BBS9: variants seen among roughly 807,000 people sequenced by gnomAD.
BBS9 encodes the protein protein PTHB1.
In BBS9, 89 loss-of-function variants were observed where a neutral mutation model predicts 117.7. That is an observed-to-expected ratio of 0.76 (90% CI 0.64 to 0.90). The LOEUF is 0.90. Among genes scored for constraint, BBS9 ranks in the 40% least tolerant of loss-of-function variants. The probability of loss-of-function intolerance (pLI) is 0.00; values close to 1 mark genes in which losing one functional copy is unlikely to be tolerated. For synonymous variants in BBS9, 379 were observed against 370.9 expected (o/e 1.02, Z -0.25); for missense variants, 982 against 1,042.2 (o/e 0.94, Z 0.80).
chr7:33,491,960 G>T (rs994984980), intron 19 of BBS9, among the ~76,000 whole-genome samples: 1 of 152,040 alleles, frequency 6.6e-6, no homozygotes, highest in South Asian at 2.1e-4. Context: ...AGCACTTTGG[G>T]AGGCTAAGGT....
intron 19 of BBS9, among the ~76,000 whole-genome samples, chr7:33,466,316 C>T (rs550949859): frequency 2.0e-4 from 30 of 152,210 alleles, no homozygotes; most frequent in Admixed American, 7.2e-4. Context: ...TCTCTCACTT[C>T]CCCCACCTTC....
intron 20 of BBS9, among the ~76,000 whole-genome samples, chr7:33,508,037 A>T (rs1268210815): frequency 6.6e-6 from 1 of 152,202 alleles, no homozygotes; most frequent in African/African-American, 2.4e-5. Context: ...TACAAATATG[A>T]CTGCATTAGA....
intron 19 of BBS9, among the ~76,000 whole-genome samples, chr7:33,414,694 A>G (rs1831690942): frequency 6.6e-6 from 1 of 152,186 alleles, no homozygotes; most frequent in Non-Finnish European, 1.5e-5. Context: ...CTAGTATTGA[A>G]TAATTTGATT....
chr7:33,619,980 T>G (rs546131883), intron 21 of BBS9, among the ~76,000 whole-genome samples: 22 of 152,010 alleles, frequency 1.4e-4, no homozygotes, highest in African/African-American at 5.1e-4. Flanking sequence ...AAAGTCAGCA[T>G]AGGAATGAAA....
At chr7:33,424,450 G>C (rs768844721) in intron 19 of BBS9, among the ~76,000 whole-genome samples, 1 of 152,134 alleles carries the variant, frequency 6.6e-6, no homozygotes, top group Non-Finnish European at 1.5e-5. Context: ...AATTTCAAAC[G>C]AGAAGAGATG....
chr7:33,435,785 G>A (rs916466800), intron 19 of BBS9, among the ~76,000 whole-genome samples: 2 of 151,956 alleles, frequency 1.3e-5, no homozygotes, highest in South Asian at 4.2e-4. Context: ...TTGGTTCCAG[G>A]AGGGTTTGTT....
At chr7:33,344,029 G>C (rs1179028266) in intron 11 of BBS9, among the ~76,000 whole-genome samples, 2 of 151,418 alleles carry the variant, frequency 1.3e-5, no homozygotes. Context: ...TCTGGGAATG[G>C]AGTGGTTTGA....
At chr7:33,250,661 A>C (rs1450133742) in intron 5 of BBS9, among the ~76,000 whole-genome samples, 1 of 152,254 alleles carries the variant, frequency 6.6e-6, no homozygotes. Flanking sequence ...ATTTCTAAAC[A>C]TCAGTAGCCA....
intron 19 of BBS9, among the ~76,000 whole-genome samples, chr7:33,446,638 G>A (rs1355258922): frequency 6.6e-6 from 1 of 152,144 alleles, no homozygotes; most frequent in African/African-American, 2.4e-5. Flanking sequence ...AAATGAGAAA[G>A]CAGCTTAATT....
intron 10 of BBS9, among the ~76,000 whole-genome samples, chr7:33,339,470 G>A (rs1816069332): frequency 6.6e-6 from 1 of 152,166 alleles, no homozygotes; most frequent in African/African-American, 2.4e-5. Flanking sequence ...ATTAAGTTAT[G>A]GAAATTCCCA....
intron 19 of BBS9, among the ~76,000 whole-genome samples, chr7:33,410,192 G>A (rs1427196793): frequency 6.6e-6 from 1 of 152,128 alleles, no homozygotes; most frequent in Non-Finnish European, 1.5e-5. Flanking sequence ...AGAAAAATGT[G>A]TGTTAAAGAA....
intron 5 of BBS9, among the ~76,000 whole-genome samples, chr7:33,183,085 C>T (rs376070359): frequency 1.3e-5 from 2 of 152,144 alleles, no homozygotes; most frequent in African/African-American, 2.4e-5. Flanking sequence ...CTAGTTATTA[C>T]GCATGAAATC....
chr7:33,150,683 C>T (rs947378657), intron 2 of BBS9, among the ~76,000 whole-genome samples: 3 of 152,150 alleles, frequency 2.0e-5, no homozygotes, highest in Non-Finnish European at 1.5e-5. Context: ...GCTCTCCACA[C>T]CACAACCCCC....
intron 19 of BBS9, among the ~76,000 whole-genome samples, chr7:33,417,803 G>C (rs1832250471): frequency 6.6e-6 from 1 of 152,116 alleles, no homozygotes; most frequent in African/African-American, 2.4e-5. Flanking sequence ...AGTTCATTGG[G>C]AACCTCACCA....
At chr7:33,572,020 A>G (rs1857887129) in intron 21 of BBS9, among the ~76,000 whole-genome samples, 1 of 151,976 alleles carries the variant, frequency 6.6e-6, no homozygotes, top group Non-Finnish European at 1.5e-5. Flanking sequence ...GTGCTTCTGA[A>G]CATTAGACCT....
intron 9 of BBS9, among the ~76,000 whole-genome samples, chr7:33,332,734 G>T (rs1283270180): frequency 6.6e-6 from 1 of 151,986 alleles, no homozygotes; most frequent in African/African-American, 2.4e-5. Context: ...AAACAAGATT[G>T]AAGGCTTTAA....
intron 19 of BBS9, among the ~76,000 whole-genome samples, chr7:33,489,643 C>T (rs955436912): frequency 5.3e-5 from 8 of 152,020 alleles, no homozygotes; most frequent in Non-Finnish European, 1.0e-4. Flanking sequence ...TATTTTTGAT[C>T]ATCAAATCAT....
At chr7:33,500,723 G>C (rs1392543508) in intron 19 of BBS9, among the ~76,000 whole-genome samples, 1 of 152,210 alleles carries the variant, frequency 6.6e-6, no homozygotes, top group African/African-American at 2.4e-5. Flanking sequence ...ACATGTCCGT[G>C]TTCACATAGT....
intron 9 of BBS9, among the ~76,000 whole-genome samples, chr7:33,289,999 G>A: frequency 6.6e-6 from 1 of 151,066 alleles, no homozygotes; most frequent in East Asian, 1.9e-4. Flanking sequence ...TGAGCCGAGA[G>A]TGCACCACTG....
Sources: gnomAD v4.1 joint callset for allele counts (sites outside exome capture counted in the v4.1 genomes callset) on GRCh38, gnomAD v4.1.1 for gene constraint, MANE v1.5 for transcripts, NCBI Gene and HGNC (gene_info 2026-07-23, HGNC 2026-07-21) for gene names.